Variants in SGSM2 observed in about 807,000 individuals in gnomAD.
SGSM2 encodes the protein small G protein signaling modulator 2.
Under a neutral mutation model 126.6 loss-of-function variants are expected in SGSM2, and 89 were observed. The ratio of observed to expected loss-of-function variants is 0.70; its 90% CI spans 0.59 to 0.84. The LOEUF (loss-of-function observed/expected upper bound fraction) is 0.84, where lower values mean the gene tolerates loss of function less well. Among genes scored for constraint, SGSM2 ranks in the 40% least tolerant of loss-of-function variants. SGSM2 has a pLI of 0.00. For missense variants in SGSM2, 1,404 were observed against 1,416.6 expected, an observed-to-expected ratio of 0.99 and a Z score of 0.14; for synonymous variants, 614 against 574.3, an observed-to-expected ratio of 1.07 and a Z score of -0.99.
chr17:2,376,118 G>A lies in SGSM2; in HGVS notation c.2485-19G>A. 4 of 1,613,850 alleles carry A rather than the reference G, an allele frequency of 2.5e-6. No individual in the cohort carries two copies. The highest frequency in any genetic ancestry group is 3.4e-6 in the Non-Finnish European group (4 of 1,179,956). On this transcript the variant is annotated intron_variant, in intron 18 of 23. Transcript: ENST00000268989. ...AAGGGCTGCCCGGTCTCATGCCTGA[G>A]GGCCCTCCACTCTTCCAGATAGAAT...
intron 2 of SGSM2, among the ~76,000 whole-genome samples, chr17:2,346,449 CTG>C (rs1426325229): frequency 1.3e-5 from 2 of 152,192 alleles, no homozygotes; most frequent in African/African-American, 4.8e-5. Context: ...TGAAGAATCA[CTG>C]TGTCAAGACC....
Position 2,372,611 on chromosome 17 carries a change from C to G in SGSM2, c.1788+123C>G. Reference sequence around the variant, plus strand: ...GCCAGGGCCGATGCCACGGAGTGACCAGGGTCCCGGCAGAATCTCTTGCAG... The same window carrying G: ...GCCAGGGCCGATGCCACGGAGTGACGAGGGTCCCGGCAGAATCTCTTGCAG... On this transcript the variant is annotated intron_variant, in intron 15 of 23. Coordinates refer to ENST00000268989, the MANE Select transcript of SGSM2 (RefSeq NM_014853.3). This position sits in a 1 kb window ranked among gnomAD's most constrained non-coding sequence, Gnocchi z 6.0. 1 of 1,353,632 alleles carries G rather than the reference C, an allele frequency of 7.4e-7. No homozygotes were observed. The highest frequency in any genetic ancestry group is 2.5e-5 in the Admixed American group (1 of 39,942). 83.9% of individuals were successfully genotyped at this position (1,353,632 alleles called of 1,614,324 possible).
chr17:2,369,383 T>C (rs2065751094), intron 12 of SGSM2, among the ~76,000 whole-genome samples: 1 of 152,146 alleles, frequency 6.6e-6, no homozygotes, highest in Admixed American at 6.5e-5. Flanking sequence ...CACCTTTCAC[T>C]CGGAGTCTTA....
At chr17:2,368,056 G>C (rs1044960708) in intron 12 of SGSM2, among the ~76,000 whole-genome samples, 1 of 152,190 alleles carries the variant, frequency 6.6e-6, no homozygotes, top group Non-Finnish European at 1.5e-5. Flanking sequence ...ATATGCCCCT[G>C]GTTCACTGTG....
At chr17:2,375,973 C>A in intron 18 of SGSM2, 98 bp downstream of exon 18, 1 of 1,504,492 alleles carries the variant, frequency 6.6e-7, no homozygotes, top group South Asian at 1.3e-5. Flanking sequence ...GCGGGGCGCC[C>A]TGACTGCCCT....
In SGSM2 at chr17:2,379,626, G is replaced by T; in HGVS notation, c.*106G>T. Reference sequence around the variant, plus strand: ...CCAGCCACCAACCGACCCCACCTCTGTTCCTAACAAAGCGGTTGTGAGCCT... The same window carrying T: ...CCAGCCACCAACCGACCCCACCTCTTTTCCTAACAAAGCGGTTGTGAGCCT... On this transcript the variant is annotated 3_prime_UTR_variant, in exon 24 of 24. Coordinates refer to ENST00000268989, the MANE Select transcript of SGSM2 (RefSeq NM_014853.3). The T allele has an allele frequency of 6.6e-7, 1 of 1,503,824 alleles. No individual in the cohort carries two copies. Among genetic ancestry groups the T allele is most frequent in the Non-Finnish European group, 8.9e-7 (1 of 1,119,580 alleles). 93.2% of individuals were successfully genotyped at this position (1,503,824 alleles called of 1,614,324 possible). A position where few individuals can be genotyped will look rare whatever the true frequency, so the allele number is the denominator to read the frequency against.
intron 21 of SGSM2, 39 bp downstream of exon 21, chr17:2,377,107 G>A: frequency 7.5e-7 from 1 of 1,332,552 alleles, no homozygotes; most frequent in Non-Finnish European, 1.1e-6. Context: ...GGAGCAGGCA[G>A]TGCTGGGCTG....
At chr17:2,356,917 G>A (rs1170264945) in intron 2 of SGSM2, among the ~76,000 whole-genome samples, 2 of 115,054 alleles carry the variant, frequency 1.7e-5, no homozygotes, top group African/African-American at 6.0e-5. Context: ...GAATCGGGGT[G>A]TAAGGGTTGG....
chr17:2,352,336 T>C (rs1363531161), intron 2 of SGSM2, among the ~76,000 whole-genome samples: 3 of 152,220 alleles, frequency 2.0e-5, no homozygotes, highest in African/African-American at 7.2e-5. Flanking sequence ...CAGAATGGAC[T>C]ACCTGAGGCT....
chr17:2,363,329 A>C lies in SGSM2; in HGVS notation c.673-136A>C, dbSNP rs943252287. 8.4e-6 allele frequency: 12 copies of C among 1,431,202 alleles called. No homozygotes were observed. In the African/African-American group the frequency reaches 1.6e-4, roughly 19 times the overall value. 88.7% of individuals were successfully genotyped at this position (1,431,202 alleles called of 1,614,324 possible). A position where few individuals can be genotyped will look rare whatever the true frequency, so the allele number is the denominator to read the frequency against. On this transcript the variant is annotated intron_variant, in intron 6 of 23. Coordinates refer to ENST00000268989, the MANE Select transcript of SGSM2 (RefSeq NM_014853.3). The surrounding 1 kb of genome is among the most constrained non-coding windows in gnomAD (Gnocchi z 4.2). ...ATGCTGGTCCGTGGCTGGAGAGCAG[A>C]GGGTGGCTGGGAGTAAACCGGGGCA...
intron 1 of SGSM2, among the ~76,000 whole-genome samples, chr17:2,342,745 G>C (rs952109414): frequency 1.7e-5 from 1 of 57,480 alleles, no homozygotes; most frequent in Non-Finnish European, 3.8e-5. Flanking sequence ...TGGGAGGCCG[G>C]GCGGGTGGAT....
intron 17 of SGSM2, chr17:2,375,267 C>T: frequency 2.0e-6 from 1 of 495,088 alleles, no homozygotes; most frequent in Admixed American, 3.7e-5. Flanking sequence ...TTCCTTCAAG[C>T]AGGGCTGAAG....
intron 2 of SGSM2, among the ~76,000 whole-genome samples, chr17:2,345,106 C>T (rs917429557): frequency 1.3e-5 from 2 of 151,838 alleles, no homozygotes; most frequent in African/African-American, 4.8e-5. Context: ...TTTTTCTCAG[C>T]AGAACCTATG....
intron 17 of SGSM2, 86 bp from the exon 18 acceptor site, chr17:2,375,406 T>C: frequency 1.3e-6 from 2 of 1,499,048 alleles, no homozygotes; most frequent in Non-Finnish European, 8.9e-7. Flanking sequence ...GAGTTTTGCA[T>C]TCCAGCTCCC....
rs754726023 is a variant in SGSM2 at position 2,376,105 on chromosome 17, G to A, written c.2485-32G>A. 3.1e-6 allele frequency: 5 copies of A among 1,613,642 alleles called. No individual in the cohort carries two copies. The Admixed American group carries it at 8.3e-5, about 27-fold the overall frequency. ...CCCCCAGCCTGGGAAGGGCTGCCCG[G>A]TCTCATGCCTGAGGGCCCTCCACTC... On this transcript the variant is annotated intron_variant, in intron 18 of 23. Coordinates refer to ENST00000268989, the MANE Select transcript of SGSM2 (RefSeq NM_014853.3).
At chr17:2,357,087 T>C (rs1307454905) in intron 2 of SGSM2, among the ~76,000 whole-genome samples, 1 of 152,124 alleles carries the variant, frequency 6.6e-6, no homozygotes, top group African/African-American at 2.4e-5. Context: ...TTTGTTAGGC[T>C]GCAGAACTTG....
rs1288840775 is a variant in SGSM2 at position 2,367,677 on chromosome 17, G to T, written c.1423+272G>T. Among the ~76,000 whole-genome samples the T allele has an allele frequency of 1.3e-5, 2 of 152,220 alleles. No individual in the cohort carries two copies. Among genetic ancestry groups the T allele is most frequent in the Non-Finnish European group, 2.9e-5 (2 of 68,024 alleles). On this transcript the variant is annotated intron_variant, in intron 12 of 23. Coordinates refer to ENST00000268989, the MANE Select transcript of SGSM2 (RefSeq NM_014853.3). The surrounding 1 kb of genome is among the most constrained non-coding windows in gnomAD (Gnocchi z 4.0). ...GGTCTGATTATCTGATTGCCTCCTG[G>T]GCACCCTGAATGGATCTCTGAGCCC...
At chr17:2,366,951 G>A (rs539955128) in intron 11 of SGSM2, 9 of 295,962 alleles carry the variant, frequency 3.0e-5, no homozygotes, top group South Asian at 1.5e-4. Flanking sequence ...TGTGAGGGCC[G>A]ATGACCTCCT....
chr17:2,371,212 G>A (rs1332930634), intron 12 of SGSM2, 50 bp from the exon 13 acceptor site: 4 of 1,571,828 alleles, frequency 2.5e-6, no homozygotes, highest in Non-Finnish European at 3.4e-6. Context: ...CAGGGTGCCT[G>A]GGAGAGAAGG....
Sources: allele counts gnomAD v4.1 joint callset (sites outside exome capture counted in the v4.1 genomes callset), GRCh38; gene constraint gnomAD v4.1.1; non-coding constraint Gnocchi (gnomAD v3.1); transcripts MANE v1.5; gene names NCBI Gene and HGNC (gene_info 2026-07-23, HGNC 2026-07-21).